Variants in FAM163A observed in about 807,000 individuals in gnomAD.
FAM163A encodes the protein family with sequence similarity 163 member A, also known as protein FAM163A.
Under a neutral mutation model 12.0 loss-of-function variants are expected in FAM163A, and 7 were observed. The observed-to-expected ratio is 0.58, with a 90% CI of 0.33 to 1.10. The LOEUF is 1.10. Ranked by LOEUF, FAM163A falls within the 50% of genes least tolerant of loss-of-function variation. FAM163A has a pLI of 0.03. For missense variants in FAM163A, 202 were observed against 218.6 expected (o/e 0.92, Z 0.48); for synonymous variants, 101 against 91.0 (o/e 1.11, Z -0.62).
At chr1:179,810,654 C>T (rs12096999) in intron 2 of FAM163A, among the ~76,000 whole-genome samples, 4,418 of 152,260 alleles carry the variant, frequency 0.029, 221 homozygotes, top group African/African-American at 0.1. Context: ...CTCTAGGTTC[C>T]GCAACTCTAG....
the FAM163A span, among the ~76,000 whole-genome samples, chr1:179,727,779 C>T: frequency 6.6e-6 from 1 of 152,184 alleles, no homozygotes; most frequent in Non-Finnish European, 1.5e-5. Flanking sequence ...AGAACACTGA[C>T]ATAATCTTGA....
chr1:179,768,210 C>A (rs1687769800), intron 1 of FAM163A, among the ~76,000 whole-genome samples: 1 of 152,134 alleles, frequency 6.6e-6, no homozygotes, highest in East Asian at 1.9e-4. Context: ...ATGGATATAC[C>A]ACATCTCTTT....
the FAM163A span, among the ~76,000 whole-genome samples, chr1:179,734,224 A>G: frequency 2.0e-5 from 3 of 152,196 alleles, no homozygotes; most frequent in Non-Finnish European, 4.4e-5. Context: ...TTGAAATTCA[A>G]GTTGTAAATA....
chr1:179,798,098 C>G (rs1692620757), intron 1 of FAM163A, among the ~76,000 whole-genome samples: 1 of 152,202 alleles, frequency 6.6e-6, no homozygotes, highest in South Asian at 2.1e-4. Flanking sequence ...GGCATGGTGG[C>G]AGGTACCTGT....
intron 1 of FAM163A, among the ~76,000 whole-genome samples, chr1:179,746,471 T>C (rs899034326): frequency 1.3e-5 from 2 of 152,278 alleles, no homozygotes; most frequent in African/African-American, 4.8e-5. Flanking sequence ...ATTTCCAAGA[T>C]ATATGGCTAA....
chr1:179,770,563 C>T (rs1179515371), intron 1 of FAM163A, among the ~76,000 whole-genome samples: 1 of 152,222 alleles, frequency 6.6e-6, no homozygotes, highest in Non-Finnish European at 1.5e-5. Flanking sequence ...CTCCAGCCTT[C>T]TCTATCCCTG....
chr1:179,737,789 C>G, the FAM163A span, among the ~76,000 whole-genome samples: 1 of 151,270 alleles, frequency 6.6e-6, no homozygotes, highest in Non-Finnish European at 1.5e-5. Flanking sequence ...GAGTGGAGAT[C>G]GCACCACTAC....
intron 1 of FAM163A, among the ~76,000 whole-genome samples, chr1:179,776,481 A>C (rs1688985737): frequency 6.8e-6 from 1 of 147,236 alleles, no homozygotes. Flanking sequence ...AAAGAGCAAG[A>C]CTCCATTTCA....
At chr1:179,776,527 C>T (rs1422013127) in intron 1 of FAM163A, among the ~76,000 whole-genome samples, 1 of 151,750 alleles carries the variant, frequency 6.6e-6, no homozygotes, top group African/African-American at 2.4e-5. Context: ...CCACCTACAA[C>T]TTTACTGCCG....
intron 1 of FAM163A, among the ~76,000 whole-genome samples, chr1:179,788,060 A>G (rs944304507): frequency 1.3e-5 from 2 of 152,186 alleles, no homozygotes; most frequent in Non-Finnish European, 2.9e-5. Flanking sequence ...TGCAAATATG[A>G]GTGATGTGTT....
At chr1:179,783,727 T>C (rs1690130176) in intron 1 of FAM163A, among the ~76,000 whole-genome samples, 1 of 122,274 alleles carries the variant, frequency 8.2e-6, no homozygotes, top group Admixed American at 7.7e-5. Flanking sequence ...TCCCAAATTT[T>C]ATATAATTGA....
chr1:179,737,893 C>CCTATGTGTA, the FAM163A span, among the ~76,000 whole-genome samples: 2 of 151,946 alleles, frequency 1.3e-5, no homozygotes, highest in African/African-American at 4.8e-5. Context: ...AGAGGTGATG[C>CCTATGTGTA]CTATGTGTAT....
At chr1:179,788,190 A>T (rs1337609460) in intron 1 of FAM163A, among the ~76,000 whole-genome samples, 3 of 152,130 alleles carry the variant, frequency 2.0e-5, no homozygotes, top group Non-Finnish European at 4.4e-5. Flanking sequence ...CTGCTCCTCT[A>T]GTCTCCAGTC....
chr1:179,808,273 T>C (rs1432684809), intron 2 of FAM163A, among the ~76,000 whole-genome samples: 1 of 152,252 alleles, frequency 6.6e-6, no homozygotes, highest in Non-Finnish European at 1.5e-5. Context: ...TTTTGTAAGA[T>C]TCAAGAATGT....
chr1:179,731,951 A>G, the FAM163A span, among the ~76,000 whole-genome samples: 7 of 152,204 alleles, frequency 4.6e-5, no homozygotes, highest in Non-Finnish European at 7.3e-5. Context: ...TCAGCCAGCT[A>G]TATACTCTAT....
At chr1:179,756,136 A>G (rs1221897642) in intron 1 of FAM163A, among the ~76,000 whole-genome samples, 1 of 152,206 alleles carries the variant, frequency 6.6e-6, no homozygotes, top group African/African-American at 2.4e-5. Context: ...AAAGATCTCA[A>G]AGTCTTACCA....
intron 1 of FAM163A, among the ~76,000 whole-genome samples, chr1:179,787,978 A>G (rs919976102): frequency 6.6e-6 from 1 of 152,248 alleles, no homozygotes; most frequent in African/African-American, 2.4e-5. Context: ...CTGCTGGTCC[A>G]GGTGCCCTCC....
intron 1 of FAM163A, among the ~76,000 whole-genome samples, chr1:179,798,053 A>G (rs1355178997): frequency 6.6e-6 from 1 of 152,032 alleles, no homozygotes; most frequent in Non-Finnish European, 1.5e-5. Flanking sequence ...AACATGGCGA[A>G]ACTCCGTCTC....
intron 3 of FAM163A, among the ~76,000 whole-genome samples, chr1:179,812,810 G>A (rs1694879607): frequency 6.6e-6 from 1 of 152,200 alleles, no homozygotes. Flanking sequence ...GGGTGTGACG[G>A]GAGAGGAAAG....
Sources: allele counts gnomAD v4.1 joint callset (sites outside exome capture counted in the v4.1 genomes callset), GRCh38; gene constraint gnomAD v4.1.1; transcripts MANE v1.5; gene names NCBI Gene and HGNC (gene_info 2026-07-23, HGNC 2026-07-21).